Variants in ATP2C1 observed in about 807,000 individuals in gnomAD.
The protein encoded by ATP2C1 is calcium-transporting ATPase type 2C member 1.
A neutral mutation model predicts 120.5 loss-of-function variants in ATP2C1; 31 were observed. The observed-to-expected ratio is 0.26, with a 90% confidence interval of 0.19 to 0.35. The LOEUF is 0.35. Among genes scored for constraint, ATP2C1 ranks in the 10% least tolerant of loss-of-function variants. The probability of loss-of-function intolerance (pLI) is 1.00; values close to 1 mark genes in which losing one functional copy is unlikely to be tolerated. For missense variants in ATP2C1, 731 were observed against 1,107.5 expected (o/e 0.66, Z 4.83); for synonymous variants, 351 against 358.7 (o/e 0.98, Z 0.24).
chr3:130,895,115 A>G (rs1025283651), intron 2 of ATP2C1, among the ~76,000 whole-genome samples: 1 of 152,136 alleles, frequency 6.6e-6, no homozygotes, highest in Admixed American at 6.5e-5. Context: ...GGGGAAGTGG[A>G]AATGGGGGAC....
chr3:130,973,746 CTACTT>C (rs1485310536), intron 17 of ATP2C1, among the ~76,000 whole-genome samples: 2 of 152,140 alleles, frequency 1.3e-5, no homozygotes, highest in African/African-American at 4.8e-5. Context: ...TAAGGGGACA[CTACTT>C]TAATTTCTTT....
chr3:130,964,407 A>C (rs950419665), intron 13 of ATP2C1, among the ~76,000 whole-genome samples: 2 of 152,110 alleles, frequency 1.3e-5, no homozygotes, highest in African/African-American at 4.8e-5. Flanking sequence ...AAAGAAGATA[A>C]TGTATTATTA....
chr3:130,868,209 C>A (rs1255452559), intron 1 of ATP2C1: 13 of 146,458 alleles, frequency 8.9e-5, no homozygotes, highest in African/African-American at 3.3e-4. Context: ...AAGTGAGGAC[C>A]CCTCTGCCCG....
At chr3:130,857,527 T>G (rs985933016) in intron 1 of ATP2C1, among the ~76,000 whole-genome samples, 2 of 152,238 alleles carry the variant, frequency 1.3e-5, no homozygotes, top group Non-Finnish European at 2.9e-5. Context: ...CCGTCATTAC[T>G]TCTTGCCTGA....
intron 2 of ATP2C1, among the ~76,000 whole-genome samples, chr3:130,929,204 C>T (rs852221): frequency 0.018 from 2,773 of 152,224 alleles, 45 homozygotes; most frequent in Non-Finnish European, 0.028. Context: ...TACTACTGCT[C>T]TTTGTTTTAA....
chr3:130,883,944 TC>T (rs1344872185), intron 1 of ATP2C1, among the ~76,000 whole-genome samples: 13 of 88,774 alleles, frequency 1.5e-4, no homozygotes, highest in African/African-American at 4.1e-4. Context: ...TTTCTTTTCT[TC>T]TTTTTTTTTT....
At chr3:130,919,668 T>C (rs2058863265) in intron 2 of ATP2C1, among the ~76,000 whole-genome samples, 1 of 152,184 alleles carries the variant, frequency 6.6e-6, no homozygotes, top group Non-Finnish European at 1.5e-5. Context: ...AGTGGTAATA[T>C]CCGTTTGAGA....
At chr3:131,016,412 CT>C in exon 27 of ATP2C1, 4 of 1,470,412 alleles carry the variant, frequency 2.7e-6, no homozygotes, top group Non-Finnish European at 2.8e-6. Flanking sequence ...TCCACATATA[CT>C]ACAAATTCTA....
At chr3:131,007,344 C>T (rs2063155893), downstream of ATP2C1, among the ~76,000 whole-genome samples, 1 of 152,204 alleles carries the variant, frequency 6.6e-6, no homozygotes, top group Admixed American at 6.5e-5. Flanking sequence ...GCAAATCTGG[C>T]CAAACTGACA....
In ATP2C1 at chr3:130,975,391, T is replaced by C; in HGVS notation, c.1473T>C (p.Thr491=). 2 of 1,613,882 alleles carry C rather than the reference T, an allele frequency of 1.2e-6. No individual in the cohort carries two copies. Residue 491 remains threonine, a synonymous_variant, in exon 18 of 28, where the codon ACT becomes ACC. Coordinates refer to ENST00000510168, the MANE Select transcript of ATP2C1 (RefSeq NM_001378687.1). The part of the protein sequence containing the change: ...GAYEQVIKYC[T]TYQSKGQTLT... ...ACGAACAAGTAATTAAGTACTGTAC[T>C]ACATACCAGAGCAAAGGGCAGACCT...
exon 1 of ATP2C1, chr3:130,850,773 G>A (rs2067651316): frequency 1.1e-6 from 1 of 887,294 alleles, no homozygotes; most frequent in Non-Finnish European, 1.6e-6. Context: ...AATTTCATAT[G>A]GTTGCTGACA....
intron 17 of ATP2C1, among the ~76,000 whole-genome samples, chr3:130,972,051 C>T (rs188219404): frequency 6.6e-6 from 1 of 152,302 alleles, no homozygotes; most frequent in Admixed American, 6.5e-5. Context: ...AACTCTTCCA[C>T]AGGCAGGGGA....
intron 26 of ATP2C1, chr3:131,016,081 G>A (rs773878168): frequency 6.6e-7 from 1 of 1,507,168 alleles, no homozygotes. Flanking sequence ...TTAAATATAA[G>A]TGAAAATACT....
chr3:130,994,204 G>A, intron 22 of ATP2C1, 106 bp downstream of exon 22: 2 of 1,374,146 alleles, frequency 1.5e-6, no homozygotes, highest in South Asian at 2.4e-5. Context: ...TTAAACATTA[G>A]GTAAACTAAA....
intron 2 of ATP2C1, among the ~76,000 whole-genome samples, chr3:130,908,080 T>A (rs1194381376): frequency 6.6e-6 from 1 of 152,108 alleles, no homozygotes. Context: ...AGTGTAGTGA[T>A]GACTAGTCTT....
rs185681382 is a variant in ATP2C1, at chr3:130,912,855, A to G, written c.7-17561A>G. Among the ~76,000 whole-genome samples, 79 of 152,300 alleles carry G rather than the reference A, an allele frequency of 5.2e-4. 1 individual carries two copies. In the East Asian group the frequency reaches 0.01, roughly 19 times the overall value. ...ATAGCAAAAACTTGGAACTAACCCAAATGCCCAACAATGATAGACTGGATT... is the reference window on the plus strand; with the variant it reads ...ATAGCAAAAACTTGGAACTAACCCAGATGCCCAACAATGATAGACTGGATT... On this transcript the variant is annotated intron_variant, in intron 2 of 27. Coordinates refer to ENST00000510168, the MANE Select transcript of ATP2C1 (RefSeq NM_001378687.1).
At chr3:130,861,008 G>A (rs1346882663) in intron 1 of ATP2C1, among the ~76,000 whole-genome samples, 1 of 152,200 alleles carries the variant, frequency 6.6e-6, no homozygotes, top group African/African-American at 2.4e-5. Flanking sequence ...GGTGGCTCAC[G>A]CCTGTATTCC....
intron 8 of ATP2C1, among the ~76,000 whole-genome samples, chr3:130,943,386 T>G (rs537209048): frequency 2.1e-4 from 32 of 151,980 alleles, no homozygotes; most frequent in Non-Finnish European, 4.0e-4. Flanking sequence ...GGCTAATTTT[T>G]TAGTATTTTT....
At chr3:131,012,137 G>A (rs1463155108) in intron 26 of ATP2C1, among the ~76,000 whole-genome samples, 1 of 152,066 alleles carries the variant, frequency 6.6e-6, no homozygotes, top group Non-Finnish European at 1.5e-5. Flanking sequence ...AAGAAGCAGT[G>A]TTGATGATAA....
Sources: gnomAD v4.1 joint callset for allele counts (sites outside exome capture counted in the v4.1 genomes callset) on GRCh38, gnomAD v4.1.1 for gene constraint, MANE v1.5 for transcripts, NCBI Gene and HGNC (gene_info 2026-07-23, HGNC 2026-07-21) for gene names.